Variants in NLGN1 observed in about 807,000 individuals in gnomAD.
NLGN1 encodes the protein neuroligin-1.
In NLGN1, 12 loss-of-function variants were observed where a neutral mutation model predicts 65.5. That is an observed-to-expected ratio of 0.18 (90% CI 0.12 to 0.30). The LOEUF is 0.30. NLGN1 is among the 10% of genes least tolerant of loss of function. The pLI is 1.00. For synonymous variants in NLGN1, 350 were observed against 359.5 expected (o/e 0.97, Z 0.30); for missense variants, 750 against 1,007.1 (o/e 0.74, Z 3.46).
At chr3:173,545,527 T>C (rs1403807520) in intron 2 of NLGN1, among the ~76,000 whole-genome samples, 6 of 152,170 alleles carry the variant, frequency 3.9e-5, no homozygotes, top group Non-Finnish European at 7.3e-5. Context: ...TTATGCTAGG[T>C]TGATAAACAG....
chr3:173,797,696 C>CAAAAAAAAAAAAA (rs112560290), intron 3 of NLGN1, among the ~76,000 whole-genome samples: 5 of 144,720 alleles, frequency 3.5e-5, no homozygotes, highest in East Asian at 4.2e-4. Flanking sequence ...ACAACAACAA[C>CAAAAAAAAAAAAA]AACAAAAAAA....
intron 4 of NLGN1, among the ~76,000 whole-genome samples, chr3:173,963,375 C>G (rs1035457142): frequency 1.4e-4 from 21 of 152,054 alleles, no homozygotes; most frequent in African/African-American, 4.3e-4. Context: ...AAAGATGGAG[C>G]AAAACGCATA....
intron 4 of NLGN1, among the ~76,000 whole-genome samples, chr3:173,840,598 A>G (rs1486201172): frequency 6.6e-6 from 1 of 152,074 alleles, no homozygotes; most frequent in Non-Finnish European, 1.5e-5. Context: ...GGGTAGTAAA[A>G]CCTGGGTTAA....
At chr3:173,673,767 T>A (rs75024915) in intron 3 of NLGN1, among the ~76,000 whole-genome samples, 4,274 of 152,204 alleles carry the variant, frequency 0.028, 90 homozygotes, top group Middle Eastern at 0.044. Context: ...TAGAAAGGTG[T>A]CCAGGTTCTT....
Position 173,567,917 on chromosome 3 carries a change from T to C in NLGN1, c.-320-36362T>C, listed in dbSNP as rs532839410. Among the ~76,000 whole-genome samples the C allele has an allele frequency of 6.6e-5, 10 of 152,266 alleles. No homozygotes were observed. The South Asian group carries it at 1.2e-3, about 19-fold the overall frequency. Reference sequence around the variant, plus strand: ...AAGACTCTGAAGATAAATTAAACTATTAACAGTAATTTGAATAAATGAATA... The same window carrying C: ...AAGACTCTGAAGATAAATTAAACTACTAACAGTAATTTGAATAAATGAATA... On this transcript the variant is annotated intron_variant, in intron 2 of 6. Transcript: ENST00000457714.
chr3:173,729,563 AAGCTTTTC>A (rs1375074271), intron 3 of NLGN1, among the ~76,000 whole-genome samples: 1 of 152,122 alleles, frequency 6.6e-6, no homozygotes, highest in African/African-American at 2.4e-5. Flanking sequence ...GCAAAATTGT[AAGCTTTTC>A]TAATGATTCT....
intron 4 of NLGN1, among the ~76,000 whole-genome samples, chr3:174,217,539 G>A (rs931697806): frequency 6.6e-6 from 1 of 151,890 alleles, no homozygotes; most frequent in African/African-American, 2.4e-5. Context: ...ATCCTCACAT[G>A]GCACAAAAAT....
intron 4 of NLGN1, among the ~76,000 whole-genome samples, chr3:173,871,419 A>T (rs6445126): frequency 0.83 from 126,936 of 152,160 alleles, 53,447 homozygotes; most frequent in Non-Finnish European, 0.88. Context: ...TTAAATGTTT[A>T]CTCAGTGAAG....
At chr3:173,578,422 A>G (rs1411517201) in intron 2 of NLGN1, among the ~76,000 whole-genome samples, 3 of 152,180 alleles carry the variant, frequency 2.0e-5, no homozygotes, top group Non-Finnish European at 2.9e-5. Flanking sequence ...CTATCCAAAA[A>G]AAGAGTACCC....
chr3:173,703,074 GT>G (rs879872052), intron 3 of NLGN1, among the ~76,000 whole-genome samples: 2,687 of 142,684 alleles, frequency 0.019, 76 homozygotes, highest in African/African-American at 0.062. Flanking sequence ...TGTTACTAGA[GT>G]TTTTTTTTTT....
At chr3:173,830,009 G>GGTT (rs1553863537) in intron 4 of NLGN1, among the ~76,000 whole-genome samples, 10 of 60,548 alleles carry the variant, frequency 1.7e-4, no homozygotes, top group African/African-American at 3.1e-4. Flanking sequence ...GGGTAGTGTG[G>GGTT]GGGGGGGAGG....
intron 2 of NLGN1, among the ~76,000 whole-genome samples, chr3:173,585,562 A>G (rs182204089): frequency 1.8e-4 from 28 of 152,182 alleles, no homozygotes; most frequent in Non-Finnish European, 3.1e-4. Flanking sequence ...TGCACCGGAT[A>G]GAGACAGTAG....
intron 4 of NLGN1, among the ~76,000 whole-genome samples, chr3:174,219,870 A>G (rs949565746): frequency 6.6e-6 from 1 of 152,184 alleles, no homozygotes; most frequent in Non-Finnish European, 1.5e-5. Context: ...ATCAGAAAAT[A>G]AGCAAGATTG....
Position 173,508,186 on chromosome 3 carries a change from TTTC to T in NLGN1, c.-321+73116_-321+73118del, listed in dbSNP as rs576291115. Among the ~76,000 whole-genome samples, 6 of 152,306 alleles carry T rather than the reference TTTC, an allele frequency of 3.9e-5. No individual in the cohort carries two copies. The South Asian group carries it at 6.2e-4, about 16-fold the overall frequency. ...TCCTTTCTTATTTTTGCTTTGGCTT[TTTC>T]TTCTTCTCTTTGTAATTTTGGTTCA... On this transcript the variant is annotated intron_variant, in intron 2 of 6. Coordinates refer to ENST00000457714, the Ensembl canonical transcript of NLGN1.
chr3:173,523,177 T>C (rs1178525974), intron 2 of NLGN1, among the ~76,000 whole-genome samples: 1 of 151,636 alleles, frequency 6.6e-6, no homozygotes, highest in Admixed American at 6.6e-5. Context: ...ATGCATAATA[T>C]AAAAATATTT....
intron 4 of NLGN1, among the ~76,000 whole-genome samples, chr3:173,955,230 G>A (rs762966553): frequency 2.4e-4 from 36 of 152,096 alleles, no homozygotes; most frequent in Admixed American, 5.9e-4. Flanking sequence ...CTCATAGGCC[G>A]TGCAAAAATA....
chr3:173,848,484 CATAAGGAGTA>C (rs1355486085), intron 4 of NLGN1, among the ~76,000 whole-genome samples: 1 of 152,134 alleles, frequency 6.6e-6, no homozygotes, highest in Non-Finnish European at 1.5e-5. Context: ...TTATTTATTT[CATAAGGAGTA>C]ATAATATACA....
chr3:173,954,108 C>T (rs568949556), intron 4 of NLGN1, among the ~76,000 whole-genome samples: 1 of 151,966 alleles, frequency 6.6e-6, no homozygotes, highest in East Asian at 1.9e-4. Context: ...AAAATATTAT[C>T]ATCAGTCTAC....
At chr3:173,521,836 G>T (rs770660471) in intron 2 of NLGN1, among the ~76,000 whole-genome samples, 2 of 152,314 alleles carry the variant, frequency 1.3e-5, no homozygotes, top group East Asian at 1.9e-4. Flanking sequence ...ATGACAGCAG[G>T]ATTTGGGTTC....
Sources: allele counts gnomAD v4.1 joint callset (sites outside exome capture counted in the v4.1 genomes callset), GRCh38; gene constraint gnomAD v4.1.1; transcripts MANE v1.5; gene names NCBI Gene and HGNC (gene_info 2026-07-23, HGNC 2026-07-21).